Variants in IL19 observed in about 807,000 individuals in gnomAD.
IL19 encodes interleukin 19, also known as interleukin-19.
A neutral mutation model predicts 19.5 loss-of-function variants in IL19; 15 were observed. The observed-to-expected ratio is 0.77, with a 90% confidence interval of 0.52 to 1.19. The LOEUF (loss-of-function observed/expected upper bound fraction) is 1.19, where lower values mean the gene tolerates loss of function less well. IL19 is among the 50% of genes most tolerant of loss of function. The probability of loss-of-function intolerance (pLI) is 0.00; values close to 1 mark genes in which losing one functional copy is unlikely to be tolerated. For synonymous variants in IL19, 78 were observed against 78.3 expected, an observed-to-expected ratio of 1.00 and a Z score of 0.02; for missense variants, 199 against 213.1, an observed-to-expected ratio of 0.93 and a Z score of 0.41.
chr1:206,842,648 A>T lies in IL19; in HGVS notation c.*26A>T. The T allele has an allele frequency of 7.4e-7, 1 of 1,347,228 alleles. No individual in the cohort carries two copies. Among genetic ancestry groups the T allele is most frequent in the Non-Finnish European group, 1.0e-6 (1 of 959,424 alleles). 83.5% of individuals were successfully genotyped at this position (1,347,228 alleles called of 1,614,324 possible). ...TGACAAGGAACCTGTATAGTGATCCAGGGATGAACACCCCCTGTGCGGTTT... is the reference window on the plus strand; with the variant it reads ...TGACAAGGAACCTGTATAGTGATCCTGGGATGAACACCCCCTGTGCGGTTT... On this transcript the variant is annotated 3_prime_UTR_variant, in exon 7 of 7. Transcript: ENST00000659997.
At chr1:206,825,160 T>C (rs1392472811) in intron 2 of IL19, among the ~76,000 whole-genome samples, 1 of 152,216 alleles carries the variant, frequency 6.6e-6, no homozygotes, top group Non-Finnish European at 1.5e-5. Context: ...TACATTTTTG[T>C]GGGGAGAGGG....
intron 1 of IL19, among the ~76,000 whole-genome samples, chr1:206,779,040 G>A (rs189852065): frequency 1.0e-3 from 155 of 152,218 alleles, no homozygotes; most frequent in African/African-American, 3.6e-3. Context: ...AAAACCGCTC[G>A]TGGCCTTTGG....
rs141706482 is a variant in IL19 at position 206,788,166 on chromosome 1, G to A, written c.-148-10695G>A. On this transcript the variant is annotated intron_variant, in intron 1 of 6. Transcript: ENST00000659997. ...TGAGTGTGCTCACATGTGTGTGCGT[G>A]TGTGACTCTTTGCAGCTGTTCTATG... 3.0e-3 allele frequency among the ~76,000 whole-genome samples: 455 copies of A among 152,268 alleles called. 4 individuals carry two copies. Among genetic ancestry groups the A allele is most frequent in the African/African-American group, 1.0e-2 (414 of 41,550 alleles).
chr1:206,791,796 A>G (rs1182838255), intron 1 of IL19, among the ~76,000 whole-genome samples: 1 of 152,194 alleles, frequency 6.6e-6, no homozygotes, highest in Non-Finnish European at 1.5e-5. Context: ...CTTAAAGGTA[A>G]CTGGCCAACT....
chr1:206,776,106 T>A (rs1246559460), intron 1 of IL19, among the ~76,000 whole-genome samples: 1 of 152,168 alleles, frequency 6.6e-6, no homozygotes, highest in Non-Finnish European at 1.5e-5. Flanking sequence ...TCCAAAATAT[T>A]CTCTCATTTC....
At position 206,834,347 on chromosome 1, in the gene IL19, G is replaced by A; in HGVS notation, c.-2-2314G>A. 6.1e-6 allele frequency: 6 copies of A among 985,608 alleles called. No homozygotes were observed. In the South Asian group the frequency reaches 2.4e-4, roughly 39 times the overall value. 61.1% of individuals were successfully genotyped at this position (985,608 alleles called of 1,614,324 possible). The stretch of plus-strand genomic sequence containing the variant: ...AAAAATGACCAGCCCTTTCCAAATG[G>A]CAGAGAGCACTGAGAGGAGACACAA... On this transcript the variant is annotated intron_variant, in intron 2 of 6. Coordinates refer to ENST00000659997, the MANE Select transcript of IL19 (RefSeq NM_153758.5).
chr1:206,817,908 C>G (rs4440852), intron 2 of IL19, among the ~76,000 whole-genome samples: 1 of 151,830 alleles, frequency 6.6e-6, no homozygotes, highest in Non-Finnish European at 1.5e-5. Flanking sequence ...AGATTGCAGG[C>G]GTGTGCCACC....
chr1:206,770,995 TG>T lies in IL19; in HGVS notation c.-228del, dbSNP rs756460032. On this transcript the variant is annotated 5_prime_UTR_variant, in exon 1 of 7. An upstream open reading frame in the 5' UTR gains an earlier in-frame stop. Coordinates refer to ENST00000659997, the MANE Select transcript of IL19 (RefSeq NM_153758.5). ...GATGTCTGGGTCTTGGTTCTCAGCT[TG>T]GGGCATCACCTCCTCCAGGTAAAAC... 1 of 1,614,134 alleles carries T rather than the reference TG, an allele frequency of 6.2e-7. No individual in the cohort carries two copies.
At chr1:206,839,580 T>A (rs998387874) in intron 4 of IL19, among the ~76,000 whole-genome samples, 1 of 152,178 alleles carries the variant, frequency 6.6e-6, no homozygotes, top group Non-Finnish European at 1.5e-5. Context: ...CAGAGAGAAT[T>A]AGCCTATGAT....
chr1:206,784,669 C>T (rs765517012), intron 1 of IL19, among the ~76,000 whole-genome samples: 9 of 152,010 alleles, frequency 5.9e-5, no homozygotes, highest in African/African-American at 1.7e-4. Flanking sequence ...GCCCCGGGGG[C>T]GGCGGGGGTG....
chr1:206,794,518 G>T (rs1042560813), intron 1 of IL19, among the ~76,000 whole-genome samples: 2 of 152,060 alleles, frequency 1.3e-5, no homozygotes, highest in Non-Finnish European at 2.9e-5. Flanking sequence ...TTATACTATG[G>T]TTGGCCCCGG....
chr1:206,815,822 G>A (rs1676140392), intron 2 of IL19, among the ~76,000 whole-genome samples: 1 of 152,208 alleles, frequency 6.6e-6, no homozygotes, highest in Non-Finnish European at 1.5e-5. Context: ...TATCTTTAAA[G>A]TACAGTAAGT....
At chr1:206,825,140 T>A (rs1676397440) in intron 2 of IL19, among the ~76,000 whole-genome samples, 1 of 152,240 alleles carries the variant, frequency 6.6e-6, no homozygotes, top group African/African-American at 2.4e-5. Flanking sequence ...AAGGAAAGTT[T>A]GCATATGTGT....
chr1:206,839,885 G>C lies in IL19; in HGVS notation c.246G>C (p.Leu82=). ...LDVCCVTKNL[L]AFYVDRVFKD... ...TGTGCTGCGTGACCAAGAACCTCCT[G>C]GCGTTCTACGTGGACAGGGTGTTCA... The change falls in exon 5 of 7, where the codon CTG becomes CTC. Residue 82 remains leucine (L), a synonymous_variant. Transcript: ENST00000659997. 3.1e-6 allele frequency: 5 copies of C among 1,614,072 alleles called. No individual in the cohort carries two copies. The highest frequency in any genetic ancestry group is 4.2e-6 in the Non-Finnish European group (5 of 1,179,994).
chr1:206,772,296 G>A (rs1373589952), intron 1 of IL19: 7 of 1,614,030 alleles, frequency 4.3e-6, no homozygotes, highest in Non-Finnish European at 5.9e-6. Context: ...TCTGCTGAAG[G>A]CATCTCGGAG....
At chr1:206,776,067 G>A (rs1021508376) in intron 1 of IL19, among the ~76,000 whole-genome samples, 1 of 152,166 alleles carries the variant, frequency 6.6e-6, no homozygotes, top group Non-Finnish European at 1.5e-5. Context: ...GTTGTGGGAA[G>A]GGGAATACCT....
At chr1:206,796,781 C>T (rs1210439855) in intron 1 of IL19, among the ~76,000 whole-genome samples, 1 of 152,160 alleles carries the variant, frequency 6.6e-6, no homozygotes, top group African/African-American at 2.4e-5. Flanking sequence ...AGGCATCTCC[C>T]AGAACATATC....
chr1:206,776,328 C>T (rs1413187411), intron 1 of IL19, among the ~76,000 whole-genome samples: 1 of 152,116 alleles, frequency 6.6e-6, no homozygotes, highest in Non-Finnish European at 1.5e-5. Context: ...TTTAAAGGCA[C>T]ACCAACCCAG....
At chr1:206,789,825 G>T (rs1218943084) in intron 1 of IL19, among the ~76,000 whole-genome samples, 2 of 152,148 alleles carry the variant, frequency 1.3e-5, no homozygotes, top group Non-Finnish European at 2.9e-5. Flanking sequence ...AGAACATGTG[G>T]CATTTGGTTT....
Sources: gnomAD v4.1 joint callset for allele counts (sites outside exome capture counted in the v4.1 genomes callset) on GRCh38, gnomAD v4.1.1 for gene constraint, MANE v1.5 for transcripts, NCBI Gene and HGNC (gene_info 2026-07-23, HGNC 2026-07-21) for gene names.